Variants in CHST8 observed in about 807,000 individuals in gnomAD.
CHST8 encodes the protein GALNAC-4-ST1.
A neutral mutation model predicts 15.0 loss-of-function variants in CHST8; 10 were observed. The ratio of observed to expected loss-of-function variants is 0.67; its 90% CI spans 0.41 to 1.13. The LOEUF is 1.13. Ranked by LOEUF, CHST8 falls within the 50% of genes most tolerant of loss-of-function variation. The pLI is 0.00. For synonymous variants in CHST8, 259 were observed against 256.6 expected (o/e 1.01, Z -0.09); for missense variants, 634 against 608.2 (o/e 1.04, Z -0.45).
intron 3 of CHST8, among the ~76,000 whole-genome samples, chr19:33,728,869 G>A (rs1303023604): frequency 1.3e-5 from 2 of 152,222 alleles, no homozygotes; most frequent in Non-Finnish European, 2.9e-5. Context: ...GCCCAGTGAG[G>A]GAGACTCAGT....
intron 1 of CHST8, among the ~76,000 whole-genome samples, chr19:33,666,401 T>C (rs549226125): frequency 6.6e-6 from 1 of 152,312 alleles, no homozygotes; most frequent in East Asian, 1.9e-4. Context: ...TCTGTCTGCC[T>C]CGCGTTTCTA....
rs548584000 is a variant in CHST8, at chr19:33,647,303, G to A, written c.-163-20464G>A. Among the ~76,000 whole-genome samples, 11 of 152,302 alleles carry A rather than the reference G, an allele frequency of 7.2e-5. 1 individual carries two copies. The South Asian group carries it at 1.7e-3, about 23-fold the overall frequency. ...CAGGAAGAAAGCAGGAGACTATCAC[G>A]TCCTGGGAGCCAAGTGAGGAAAGTG... On this transcript the variant is annotated intron_variant, in intron 1 of 4. Coordinates refer to ENST00000650847, the MANE Select transcript of CHST8 (RefSeq NM_001127895.2).
intron 1 of CHST8, among the ~76,000 whole-genome samples, chr19:33,667,161 T>C (rs1419706819): frequency 1.3e-5 from 2 of 152,008 alleles, no homozygotes; most frequent in Non-Finnish European, 2.9e-5. Context: ...AGATGGAGGG[T>C]GAAGGGCACA....
At chr19:33,682,187 GTTTT>G (rs869056900) in intron 2 of CHST8, among the ~76,000 whole-genome samples, 2 of 95,288 alleles carry the variant, frequency 2.1e-5, no homozygotes, top group African/African-American at 8.4e-5. Context: ...TTTTGTTGTT[GTTTT>G]TTTTTTTTTT....
intron 1 of CHST8, among the ~76,000 whole-genome samples, chr19:33,625,950 A>C (rs1006870071): frequency 2.6e-5 from 4 of 152,122 alleles, no homozygotes; most frequent in Non-Finnish European, 5.9e-5. Flanking sequence ...GCTGGGCATG[A>C]GCAATCTGCA....
At chr19:33,747,658 C>T (rs1599614838) in intron 3 of CHST8, among the ~76,000 whole-genome samples, 1 of 152,034 alleles carries the variant, frequency 6.6e-6, no homozygotes. Context: ...AGAGGGCTGT[C>T]CAAGAGGGGC....
intron 1 of CHST8, among the ~76,000 whole-genome samples, chr19:33,625,097 T>G (rs1167866942): frequency 2.6e-5 from 4 of 151,998 alleles, no homozygotes; most frequent in African/African-American, 7.2e-5. Flanking sequence ...TCTTTTTTTT[T>G]TTTTTGAGAT....
intron 3 of CHST8, among the ~76,000 whole-genome samples, chr19:33,725,868 G>A (rs1327406341): frequency 6.6e-6 from 1 of 152,260 alleles, no homozygotes; most frequent in Non-Finnish European, 1.5e-5. Flanking sequence ...CCTGGCCACA[G>A]GGTCTAGGTG....
rs182087802 is a variant in CHST8 at position 33,732,975 on chromosome 19, T to G, written c.131-38438T>G. Among the ~76,000 whole-genome samples the G allele has an allele frequency of 3.1e-3, 472 of 152,230 alleles. 2 individuals carry two copies. Among genetic ancestry groups the G allele is most frequent in the Non-Finnish European group, 5.7e-3 (385 of 68,028 alleles). On this transcript the variant is annotated intron_variant, in intron 3 of 4. Transcript: ENST00000650847. ...GTCTAGAGTTTTTATTAGGATTGCA[T>G]TATGAATTGGGGTTTGATTATGAGT... is the stretch of plus-strand genomic sequence containing the variant.
At chr19:33,678,017 G>T (rs777576354) in intron 2 of CHST8, among the ~76,000 whole-genome samples, 3 of 152,164 alleles carry the variant, frequency 2.0e-5, no homozygotes, top group Non-Finnish European at 4.4e-5. Flanking sequence ...AATCAGAGCC[G>T]CACCGAGGGA....
At chr19:33,672,736 G>T (rs1372787149) in intron 2 of CHST8, among the ~76,000 whole-genome samples, 3 of 152,190 alleles carry the variant, frequency 2.0e-5, no homozygotes, top group South Asian at 2.1e-4. Flanking sequence ...GGATGAGACG[G>T]CCCTGGGCCA....
chr19:33,662,408 C>T (rs940442162), intron 1 of CHST8, among the ~76,000 whole-genome samples: 60 of 152,316 alleles, frequency 3.9e-4, no homozygotes, highest in African/African-American at 1.4e-3. Context: ...TCACTCCACA[C>T]CCAGCTACAT....
At chr19:33,679,453 G>A (rs1568324466) in intron 2 of CHST8, among the ~76,000 whole-genome samples, 2 of 152,174 alleles carry the variant, frequency 1.3e-5, no homozygotes, top group African/African-American at 2.4e-5. Context: ...CATTAGCAAC[G>A]AGATAATTGC....
intron 1 of CHST8, among the ~76,000 whole-genome samples, chr19:33,633,651 G>A (rs2145438684): frequency 6.6e-6 from 1 of 152,168 alleles, no homozygotes; most frequent in Middle Eastern, 3.4e-3. Flanking sequence ...TCCTGCCTTG[G>A]CCTCCCAAAG....
At chr19:33,722,105 AT>A (rs879601330) in intron 3 of CHST8, among the ~76,000 whole-genome samples, 25,852 of 133,062 alleles carry the variant, frequency 0.19, 2,658 homozygotes, top group African/African-American at 0.28. Flanking sequence ...GGATGGATGG[AT>A]GGATGAAGGG....
chr19:33,630,061 G>C (rs1296094383), intron 1 of CHST8, among the ~76,000 whole-genome samples: 1 of 152,222 alleles, frequency 6.6e-6, no homozygotes, highest in African/African-American at 2.4e-5. Flanking sequence ...TGCCTTTTTG[G>C]GGGCTGACTC....
At chr19:33,663,633 G>C (rs1056897545) in intron 1 of CHST8, among the ~76,000 whole-genome samples, 1 of 152,208 alleles carries the variant, frequency 6.6e-6, no homozygotes, top group Admixed American at 6.5e-5. Context: ...CACTTTGGGA[G>C]GCAGAGGCAG....
At position 33,748,243 on chromosome 19, in the gene CHST8, A is replaced by G. The variant is rs541171648; in HGVS notation, c.131-23170A>G. ...GCTTCCACTGGATGGCGGTGAGCTCAGGGACCCTCCACATCCCCCATTATC... is the reference window on the plus strand; with the variant it reads ...GCTTCCACTGGATGGCGGTGAGCTCGGGGACCCTCCACATCCCCCATTATC... On this transcript the variant is annotated intron_variant, in intron 3 of 4. Coordinates refer to ENST00000650847, the MANE Select transcript of CHST8 (RefSeq NM_001127895.2). Among the ~76,000 whole-genome samples the G allele has an allele frequency of 1.2e-3, 190 of 152,352 alleles. No homozygotes were observed. In the Middle Eastern group the frequency reaches 0.017, roughly 14 times the overall value.
intron 2 of CHST8, among the ~76,000 whole-genome samples, chr19:33,681,996 C>A (rs1374662629): frequency 6.6e-6 from 1 of 151,656 alleles, no homozygotes; most frequent in Non-Finnish European, 1.5e-5. Flanking sequence ...GCTGGGATTA[C>A]AGGTGGCTGC....
Sources: allele counts gnomAD v4.1 joint callset (sites outside exome capture counted in the v4.1 genomes callset), GRCh38; gene constraint gnomAD v4.1.1; transcripts MANE v1.5; gene names NCBI Gene and HGNC (gene_info 2026-07-23, HGNC 2026-07-21).